The following VAT1L variants were observed in gnomAD, a reference collection of about 807,000 sequenced individuals.
VAT1L encodes vesicle amine transport 1 like, also known as putative NADPH-dependent quinone oxidoreductase VAT1L.
In VAT1L, 34 loss-of-function variants were observed where a neutral mutation model predicts 44.1. The ratio of observed to expected loss-of-function variants is 0.77; its 90% CI spans 0.59 to 1.03. VAT1L has a LOEUF of 1.03. Among genes scored for constraint, VAT1L ranks in the 50% least tolerant of loss-of-function variants. The probability of loss-of-function intolerance (pLI) is 0.00; values close to 1 mark genes in which losing one functional copy is unlikely to be tolerated. For synonymous variants in VAT1L, 253 were observed against 202.2 expected, an observed-to-expected ratio of 1.25 and a Z score of -2.13; for missense variants, 615 against 538.8, an observed-to-expected ratio of 1.14 and a Z score of -1.40.
At chr16:77,972,162 G>C (rs576914181) in intron 8 of VAT1L, among the ~76,000 whole-genome samples, 2 of 152,152 alleles carry the variant, frequency 1.3e-5, no homozygotes, top group East Asian at 3.9e-4. Flanking sequence ...GCAATCTGAA[G>C]GCATAGGCAG....
At chr16:77,797,634 C>T (rs946509737) in intron 1 of VAT1L, among the ~76,000 whole-genome samples, 1 of 152,150 alleles carries the variant, frequency 6.6e-6, no homozygotes, top group East Asian at 1.9e-4. Flanking sequence ...GGAGCACTCT[C>T]ATTCAAAGGA....
chr16:77,892,111 G>C (rs1183046660), intron 7 of VAT1L, among the ~76,000 whole-genome samples: 1 of 152,136 alleles, frequency 6.6e-6, no homozygotes, highest in African/African-American at 2.4e-5. Context: ...GGACAGAGAA[G>C]GTGGAATGGC....
chr16:77,835,692 G>A (rs528036434), intron 3 of VAT1L, among the ~76,000 whole-genome samples: 109 of 152,192 alleles, frequency 7.2e-4, no homozygotes, highest in Admixed American at 1.4e-3. Flanking sequence ...GGCCAACATG[G>A]TGAAACCCCA....
intron 4 of VAT1L, among the ~76,000 whole-genome samples, chr16:77,869,683 A>C (rs987650590): frequency 6.6e-6 from 1 of 152,120 alleles, no homozygotes; most frequent in African/African-American, 2.4e-5. Context: ...ATTAAAAAAA[A>C]CCACCCACTT....
chr16:77,881,588 A>G (rs1294374306), intron 6 of VAT1L, among the ~76,000 whole-genome samples: 1 of 152,256 alleles, frequency 6.6e-6, no homozygotes, highest in Non-Finnish European at 1.5e-5. Context: ...CAAAGTGCCA[A>G]CATCAGCTTC....
chr16:77,944,298 T>C (rs1597113408), intron 7 of VAT1L, among the ~76,000 whole-genome samples: 1 of 152,184 alleles, frequency 6.6e-6, no homozygotes, highest in African/African-American at 2.4e-5. Flanking sequence ...ACTGGAATAC[T>C]AGAGAAATTC....
At chr16:77,841,936 G>C (rs1178048838) in intron 3 of VAT1L, among the ~76,000 whole-genome samples, 1 of 151,338 alleles carries the variant, frequency 6.6e-6, no homozygotes, top group African/African-American at 2.4e-5. Context: ...TGCCCAGGCT[G>C]TAGTGCAGTG....
At chr16:77,937,491 A>T (rs12928323) in intron 7 of VAT1L, among the ~76,000 whole-genome samples, 2 of 151,980 alleles carry the variant, frequency 1.3e-5, no homozygotes, top group Non-Finnish European at 2.9e-5. Context: ...ACTTTCCCCC[A>T]CTACCTCCCT....
chr16:77,791,671 A>G (rs1022706954), intron 1 of VAT1L, among the ~76,000 whole-genome samples: 3 of 152,176 alleles, frequency 2.0e-5, no homozygotes, highest in Non-Finnish European at 2.9e-5. Context: ...CTTAGCATGC[A>G]GTCTCACTTT....
At chr16:77,876,107 C>A (rs1418097187) in intron 4 of VAT1L, among the ~76,000 whole-genome samples, 1 of 152,214 alleles carries the variant, frequency 6.6e-6, no homozygotes, top group Admixed American at 6.5e-5. Flanking sequence ...CCACTGACCC[C>A]AAGTTCATTC....
chr16:77,885,551 G>A (rs968892569), intron 7 of VAT1L, among the ~76,000 whole-genome samples: 3 of 151,994 alleles, frequency 2.0e-5, no homozygotes, highest in Non-Finnish European at 4.4e-5. Flanking sequence ...GAGGCATTTC[G>A]CTAAGAAACC....
intron 7 of VAT1L, among the ~76,000 whole-genome samples, chr16:77,909,463 C>G (rs773611393): frequency 6.6e-6 from 1 of 151,812 alleles, no homozygotes; most frequent in African/African-American, 2.4e-5. Context: ...ATGGTGAAAC[C>G]CTGTCTCTAC....
intron 7 of VAT1L, among the ~76,000 whole-genome samples, chr16:77,896,226 C>T (rs1424673841): frequency 1.3e-5 from 2 of 152,292 alleles, no homozygotes; most frequent in African/African-American, 2.4e-5. Flanking sequence ...CATGCCCTTC[C>T]CTCATCCTTG....
At chr16:77,811,317 G>GA (rs1567472583) in intron 1 of VAT1L, among the ~76,000 whole-genome samples, 1 of 152,114 alleles carries the variant, frequency 6.6e-6, no homozygotes, top group Non-Finnish European at 1.5e-5. Context: ...CCTCAAATTG[G>GA]AAAATTAATA....
chr16:77,803,887 G>A (rs1212988985), intron 1 of VAT1L, among the ~76,000 whole-genome samples: 2 of 152,182 alleles, frequency 1.3e-5, no homozygotes, highest in Non-Finnish European at 2.9e-5. Flanking sequence ...GGCTGGAGAG[G>A]CTGAGAGAAC....
intron 3 of VAT1L, among the ~76,000 whole-genome samples, chr16:77,828,663 C>T (rs190520086): frequency 6.7e-6 from 1 of 150,284 alleles, no homozygotes. Context: ...AACTCCATCT[C>T]AAAAAAATAA....
chr16:77,810,176 T>C (rs2016240532), intron 1 of VAT1L, among the ~76,000 whole-genome samples: 1 of 152,208 alleles, frequency 6.6e-6, no homozygotes, highest in Admixed American at 6.5e-5. Context: ...ATTTAATTTG[T>C]ACTCTGTCTC....
At chr16:77,974,633 G>A (rs1246383169) in intron 8 of VAT1L, among the ~76,000 whole-genome samples, 1 of 152,162 alleles carries the variant, frequency 6.6e-6, no homozygotes. Context: ...CACAATCTCG[G>A]CTCATTGCAA....
chr16:77,817,014 T>G lies in VAT1L; in HGVS notation c.327T>G (p.Ile109Met). ...PLVPGFECSG[I>M]VEALGDSVKG... Reference sequence around the variant, plus strand: ...TGCCAGGATTTGAGTGTTCTGGGATTGTTGAAGCTCTGGGGGACAGCGTGA... The same window carrying G: ...TGCCAGGATTTGAGTGTTCTGGGATGGTTGAAGCTCTGGGGGACAGCGTGA... The change falls in exon 2 of 9, where the codon ATT becomes ATG. Residue 109 changes from isoleucine (I) to methionine (M), a missense_variant. By Grantham distance (10) the Ile-to-Met change is conservative. Transcript: ENST00000302536. 1 of 1,614,062 alleles carries G rather than the reference T, an allele frequency of 6.2e-7. No individual in the cohort carries two copies.
Sources: gnomAD v4.1 joint callset for allele counts (sites outside exome capture counted in the v4.1 genomes callset) on GRCh38, gnomAD v4.1.1 for gene constraint, MANE v1.5 for transcripts, NCBI Gene and HGNC (gene_info 2026-07-23, HGNC 2026-07-21) for gene names.